NEDD9: variants seen among roughly 807,000 people sequenced by gnomAD.
NEDD9 encodes enhancer of filamentation 1.
NEDD9 carries 26 observed loss-of-function variants against 76.6 expected under a neutral mutation model. The observed-to-expected ratio is 0.34, with a 90% CI of 0.25 to 0.47. The LOEUF (loss-of-function observed/expected upper bound fraction) is 0.47. Among genes scored for constraint, NEDD9 ranks in the 20% least tolerant of loss-of-function variants. The probability of loss-of-function intolerance (pLI) is 1.00; values close to 1 mark genes in which losing one functional copy is unlikely to be tolerated. For missense variants in NEDD9, 937 were observed against 1,058.5 expected (o/e 0.89, Z 1.59); for synonymous variants, 392 against 414.2 (o/e 0.95, Z 0.65).
intron 3 of NEDD9, among the ~76,000 whole-genome samples, chr6:11,298,396 C>T (rs1760954745): frequency 6.6e-6 from 1 of 152,150 alleles, no homozygotes; most frequent in African/African-American, 2.4e-5. Context: ...GCCCTTTTGA[C>T]TCAACATAGA....
chr6:11,344,314 G>T (rs149732397), intron 1 of NEDD9, among the ~76,000 whole-genome samples: 2 of 152,252 alleles, frequency 1.3e-5, no homozygotes, highest in African/African-American at 4.8e-5. Context: ...CACTCTGTTG[G>T]AAAGTCCCCG....
intron 2 of NEDD9, among the ~76,000 whole-genome samples, chr6:11,196,549 G>C (rs1758298961): frequency 6.6e-6 from 1 of 152,066 alleles, no homozygotes; most frequent in Non-Finnish European, 1.5e-5. Context: ...ACCCCAACTT[G>C]CTCTCTCTTT....
intron 2 of NEDD9, among the ~76,000 whole-genome samples, chr6:11,330,508 G>A (rs1448442460): frequency 6.6e-6 from 1 of 152,204 alleles, no homozygotes; most frequent in Admixed American, 6.5e-5. Context: ...TAGGCTAGAC[G>A]TAGCAAAGGC....
intron 2 of NEDD9, among the ~76,000 whole-genome samples, chr6:11,312,692 T>TATTATA (rs1208887863): frequency 3.0e-5 from 2 of 65,924 alleles, no homozygotes; most frequent in African/African-American, 7.9e-5. Context: ...ATTATATATA[T>TATTATA]TATATATATA....
chr6:11,273,732 G>T (rs190949999), intron 3 of NEDD9, among the ~76,000 whole-genome samples: 1 of 152,192 alleles, frequency 6.6e-6, no homozygotes, highest in Admixed American at 6.5e-5. Context: ...TGACATGTAG[G>T]GCAACCGTGA....
chr6:11,359,925 C>G (rs563596924), intron 1 of NEDD9, among the ~76,000 whole-genome samples: 11 of 152,240 alleles, frequency 7.2e-5, no homozygotes, highest in African/African-American at 2.6e-4. Context: ...ACAGTTGTGT[C>G]AAAAAAATAA....
intron 3 of NEDD9, among the ~76,000 whole-genome samples, chr6:11,294,479 G>A (rs1760847092): frequency 5.9e-5 from 9 of 152,014 alleles, no homozygotes; most frequent in Admixed American, 5.9e-4. Flanking sequence ...TCCCTCTCCT[G>A]TTCCAGCCAT....
intron 2 of NEDD9, among the ~76,000 whole-genome samples, chr6:11,325,629 G>C (rs893414619): frequency 3.3e-5 from 5 of 152,120 alleles, no homozygotes; most frequent in Non-Finnish European, 7.4e-5. Context: ...GATTTTAAAA[G>C]CCTTGTGACA....
chr6:11,279,422 G>A (rs1760484392), intron 3 of NEDD9, among the ~76,000 whole-genome samples: 1 of 152,236 alleles, frequency 6.6e-6, no homozygotes, highest in Admixed American at 6.5e-5. Flanking sequence ...GACGATGCCA[G>A]CGGCGCGTTC....
At chr6:11,350,904 G>C (rs1235581790) in intron 1 of NEDD9, among the ~76,000 whole-genome samples, 1 of 152,192 alleles carries the variant, frequency 6.6e-6, no homozygotes, top group East Asian at 1.9e-4. Flanking sequence ...CAGAGGTGCA[G>C]TCTTTCCACA....
intron 2 of NEDD9, among the ~76,000 whole-genome samples, chr6:11,306,739 G>C (rs904710514): frequency 1.3e-5 from 2 of 152,180 alleles, no homozygotes; most frequent in South Asian, 4.1e-4. Context: ...GCTTGTGAAG[G>C]TCACTGGAGC....
At chr6:11,363,437 T>C (rs1330406244) in intron 1 of NEDD9, among the ~76,000 whole-genome samples, 2 of 152,166 alleles carry the variant, frequency 1.3e-5, no homozygotes, top group African/African-American at 4.8e-5. Flanking sequence ...ATACGTATCC[T>C]GAAAAATGAA....
intron 2 of NEDD9, among the ~76,000 whole-genome samples, chr6:11,317,781 A>T (rs1761620195): frequency 6.6e-6 from 1 of 152,232 alleles, no homozygotes; most frequent in Admixed American, 6.5e-5. Context: ...CACACGTGAT[A>T]GTTAATTCTA....
chr6:11,318,470 C>T (rs374731973), intron 2 of NEDD9, among the ~76,000 whole-genome samples: 2 of 152,102 alleles, frequency 1.3e-5, no homozygotes, highest in South Asian at 2.1e-4. Context: ...TGATCGCTGA[C>T]GGCGTTGATG....
At chr6:11,369,564 G>A (rs1762825109) in intron 1 of NEDD9, among the ~76,000 whole-genome samples, 1 of 152,096 alleles carries the variant, frequency 6.6e-6, no homozygotes, top group Non-Finnish European at 1.5e-5. Flanking sequence ...CAATCACAAA[G>A]CAACGTAAAC....
intron 1 of NEDD9, among the ~76,000 whole-genome samples, chr6:11,366,294 G>GGAAAGAAA (rs1033127079): frequency 2.5e-3 from 289 of 116,962 alleles, no homozygotes; most frequent in South Asian, 3.9e-3. Context: ...AAGGAAGGAA[G>GGAAAGAAA]GAAAGAAAGA....
chr6:11,205,774 T>C (rs1313959226), intron 2 of NEDD9, among the ~76,000 whole-genome samples: 1 of 152,140 alleles, frequency 6.6e-6, no homozygotes, highest in African/African-American at 2.4e-5. Context: ...TTAACAGGCA[T>C]GCACCACCAT....
At chr6:11,325,285 G>A (rs1420557101) in intron 2 of NEDD9, among the ~76,000 whole-genome samples, 1 of 151,634 alleles carries the variant, frequency 6.6e-6, no homozygotes, top group African/African-American at 2.4e-5. Context: ...AACCCAGGAG[G>A]CAGAGGTTGC....
At position 11,370,304 on chromosome 6, in the gene NEDD9, A is replaced by G. The variant is rs1762839378; in HGVS notation, c.-214+11835T>C. Among the ~76,000 whole-genome samples the G allele has an allele frequency of 6.6e-6, 1 of 152,212 alleles. No homozygotes were observed. Among genetic ancestry groups the G allele is most frequent in the African/African-American group, 2.4e-5 (1 of 41,448 alleles). On this transcript the variant is annotated intron_variant, in intron 1 of 3. Coordinates refer to the NEDD9 transcript ENST00000397378. The surrounding 1 kb of genome is among the most constrained non-coding windows in gnomAD (Gnocchi z 4.2). ...ATTGTCTTTGAAAAATGCTCTGACC[A>G]AAACCATTCTTTGCTCTGCTATGTA...
Sources: allele counts gnomAD v4.1 joint callset (sites outside exome capture counted in the v4.1 genomes callset), GRCh38; gene constraint gnomAD v4.1.1; non-coding constraint Gnocchi (gnomAD v3.1); transcripts MANE v1.5; gene names NCBI Gene and HGNC (gene_info 2026-07-23, HGNC 2026-07-21).